The following DYTN variants were observed in gnomAD, a reference collection of about 807,000 sequenced individuals.
The protein encoded by DYTN is dystrotelin.
In DYTN, 75 loss-of-function variants were observed where a neutral mutation model predicts 69.6. The observed-to-expected ratio is 1.08, with a 90% CI of 0.89 to 1.31. The LOEUF (loss-of-function observed/expected upper bound fraction) is 1.31, where lower values mean the gene tolerates loss of function less well. Among genes scored for constraint, DYTN ranks in the 50% most tolerant of loss-of-function variants. The pLI is 0.00. For synonymous variants in DYTN, 252 were observed against 249.1 expected (o/e 1.01, Z -0.11); for missense variants, 726 against 688.4 (o/e 1.05, Z -0.61).
At chr2:206,712,465 T>C (rs947764329) in intron 1 of DYTN, among the ~76,000 whole-genome samples, 1 of 152,048 alleles carries the variant, frequency 6.6e-6, no homozygotes, top group African/African-American at 2.4e-5. Flanking sequence ...TTTTTCAAGA[T>C]CTTATAACGT....
chr2:206,710,940 T>C (rs1011037469), intron 1 of DYTN, among the ~76,000 whole-genome samples: 2 of 152,266 alleles, frequency 1.3e-5, no homozygotes, highest in Non-Finnish European at 2.9e-5. Context: ...ATTCTAGTTA[T>C]ATGTGGACAC....
intron 1 of DYTN, 131 bp from the exon 2 acceptor site, chr2:206,710,729 C>G: frequency 1.6e-6 from 1 of 612,448 alleles, no homozygotes; most frequent in Non-Finnish European, 2.6e-6. Context: ...GTTTAGAGCT[C>G]TTTTTTTTTC....
intron 8 of DYTN, among the ~76,000 whole-genome samples, chr2:206,693,860 G>GGT (rs1246057601): frequency 6.6e-6 from 1 of 152,134 alleles, no homozygotes; most frequent in Non-Finnish European, 1.5e-5. Flanking sequence ...GTGGCCACAT[G>GGT]GTGTCACTCT....
chr2:206,715,114 C>A (rs1361654610), intron 1 of DYTN, among the ~76,000 whole-genome samples: 1 of 152,086 alleles, frequency 6.6e-6, no homozygotes, highest in African/African-American at 2.4e-5. Context: ...CTCACTGTGG[C>A]TGGAATGGGA....
At chr2:206,657,326 A>G (rs940624022) in intron 11 of DYTN, among the ~76,000 whole-genome samples, 13 of 152,106 alleles carry the variant, frequency 8.5e-5, no homozygotes, top group Admixed American at 5.2e-4. Context: ...TATGTTGCTC[A>G]GGCATACTAC....
chr2:206,672,140 G>A (rs1056653411), intron 9 of DYTN, among the ~76,000 whole-genome samples: 7 of 152,170 alleles, frequency 4.6e-5, no homozygotes. Context: ...CTGGACCTGG[G>A]TTGAGAATTA....
chr2:206,700,205 G>A lies in DYTN; in HGVS notation c.495C>T (p.Phe165=), dbSNP rs370984067. ...LLTDLQQIPT[F]VGESRALCPV... ...GGCACAGAGCACGACTCTCTCCCAC[G>A]AAAGTTGGGATCTGCAAGAGACAAC... Residue 165 remains phenylalanine (F), a synonymous_variant, in exon 6 of 12, where the codon TTC becomes TTT. Coordinates refer to ENST00000452335, the MANE Select transcript of DYTN (RefSeq NM_001093730.1). 1.2e-4 allele frequency: 191 copies of A among 1,613,790 alleles called. No individual in the cohort carries two copies. Among genetic ancestry groups the A allele is most frequent in the Middle Eastern group, 1.6e-4 (1 of 6,082 alleles).
At chr2:206,705,679 G>A in intron 4 of DYTN, 109 bp downstream of exon 4, 5 of 914,290 alleles carry the variant, frequency 5.5e-6, no homozygotes, top group Non-Finnish European at 8.3e-6. Flanking sequence ...AAACACATAA[G>A]TCATGCTGAG....
chr2:206,664,549 T>G (rs1387709725), intron 10 of DYTN, among the ~76,000 whole-genome samples: 1 of 151,910 alleles, frequency 6.6e-6, no homozygotes, highest in Non-Finnish European at 1.5e-5. Context: ...AGATCCTAGC[T>G]AGCCACGAGG....
intron 5 of DYTN, among the ~76,000 whole-genome samples, chr2:206,704,480 T>G (rs1288946170): frequency 1.3e-5 from 2 of 152,196 alleles, no homozygotes; most frequent in Non-Finnish European, 2.9e-5. Context: ...CTATTGGATA[T>G]GTTTTCAGTG....
chr2:206,660,891 T>C (rs777770941), intron 11 of DYTN, among the ~76,000 whole-genome samples: 2 of 152,178 alleles, frequency 1.3e-5, no homozygotes, highest in African/African-American at 2.4e-5. Flanking sequence ...CCAACACTTA[T>C]GGGCTGAAAT....
At position 206,651,782 on chromosome 2, in the gene DYTN, C is replaced by A; in HGVS notation, c.*36G>T. ...ATACAGTTGTGCAACTGCATTTTGTCATCACACCAAGAGGCCTTTGAGCCT... is the reference window on the plus strand; with the variant it reads ...ATACAGTTGTGCAACTGCATTTTGTAATCACACCAAGAGGCCTTTGAGCCT... On this transcript the variant is annotated 3_prime_UTR_variant, in exon 12 of 12. Coordinates refer to ENST00000452335, the MANE Select transcript of DYTN (RefSeq NM_001093730.1). The A allele has an allele frequency of 1.3e-6, 2 of 1,577,208 alleles. No individual in the cohort carries two copies. Among genetic ancestry groups the A allele is most frequent in the Non-Finnish European group, 1.7e-6 (2 of 1,148,978 alleles).
chr2:206,660,691 A>C (rs180956765), intron 11 of DYTN, among the ~76,000 whole-genome samples: 40 of 152,354 alleles, frequency 2.6e-4, no homozygotes, highest in African/African-American at 9.4e-4. Context: ...CAGCACAAGC[A>C]GTTCCCATCC....
chr2:206,665,776 A>G (rs1031734311), intron 10 of DYTN, 94 bp downstream of exon 10: 16 of 1,469,650 alleles, frequency 1.1e-5, no homozygotes, highest in African/African-American at 2.8e-5. Context: ...GAAGAGGCTG[A>G]TCAAAGTAAG....
At position 206,686,047 on chromosome 2, in the gene DYTN, G is replaced by A. The variant is rs114341999; in HGVS notation, c.980+7128C>T. The stretch of plus-strand genomic sequence containing the variant: ...GCCACTTTGCATTCTTCCTTGGAGG[G>A]TATCTACAAACTTCATAAGCAATGC... On this transcript the variant is annotated intron_variant, in intron 9 of 11. Transcript: ENST00000452335. Among the ~76,000 whole-genome samples the A allele has an allele frequency of 3.0e-3, 452 of 151,822 alleles. 4 individuals carry two copies. Among genetic ancestry groups the A allele is most frequent in the African/African-American group, 9.9e-3 (410 of 41,406 alleles).
At chr2:206,692,199 A>G (rs1433681912) in intron 9 of DYTN, among the ~76,000 whole-genome samples, 1 of 151,706 alleles carries the variant, frequency 6.6e-6, no homozygotes, top group Non-Finnish European at 1.5e-5. Flanking sequence ...CCAAAATCCA[A>G]GGTTGCAGTC....
At chr2:206,656,433 G>T (rs1699448515) in intron 11 of DYTN, among the ~76,000 whole-genome samples, 1 of 151,992 alleles carries the variant, frequency 6.6e-6, no homozygotes, top group Non-Finnish European at 1.5e-5. Context: ...AATCCATTCA[G>T]CAACTGTATG....
At chr2:206,659,281 C>T (rs1421577295) in intron 11 of DYTN, among the ~76,000 whole-genome samples, 1 of 150,342 alleles carries the variant, frequency 6.7e-6, no homozygotes, top group African/African-American at 2.4e-5. Flanking sequence ...AAGCCATTCT[C>T]CTGCCTCAGG....
In DYTN at chr2:206,694,789, G is replaced by C. The variant is rs200782718; in HGVS notation, c.808C>G (p.Pro270Ala). ...ACCTGAATGCAGTGCTCAATGACAG[G>C]ATGAGACTTCTGATGGGACTTGCTG... ...LHSKSHQKSH[P>A]VIEHCIQMSA... Residue 270 changes from proline (P) to alanine (A), a missense_variant, in exon 8 of 12, where the codon CCT (proline) becomes GCT (alanine). By Grantham distance (27) the Pro-to-Ala change is conservative (BLOSUM62 -1). Coordinates refer to ENST00000452335, the MANE Select transcript of DYTN (RefSeq NM_001093730.1). 50 of 1,608,692 alleles carry C rather than the reference G, an allele frequency of 3.1e-5. No homozygotes were observed. The East Asian group carries it at 1.1e-3, about 35-fold the overall frequency.
Sources: gnomAD v4.1 joint callset for allele counts (sites outside exome capture counted in the v4.1 genomes callset) on GRCh38, gnomAD v4.1.1 for gene constraint, MANE v1.5 for transcripts, NCBI Gene and HGNC (gene_info 2026-07-23, HGNC 2026-07-21) for gene names.